The following PPP2R2D variants were observed in gnomAD, a reference collection of about 807,000 sequenced individuals.
The protein encoded by PPP2R2D is protein phosphatase 2 regulatory subunit Bdelta.
Under a neutral mutation model 31.1 loss-of-function variants are expected in PPP2R2D, and 9 were observed. That is an observed-to-expected ratio of 0.29 (90% CI 0.17 to 0.51). The LOEUF is 0.51. PPP2R2D is among the 20% of genes least tolerant of loss of function. The probability of loss-of-function intolerance (pLI) is 0.98; values close to 1 mark genes in which losing one functional copy is unlikely to be tolerated. For synonymous variants in PPP2R2D, 179 were observed against 172.6 expected (o/e 1.04, Z -0.29); for missense variants, 391 against 465.6 (o/e 0.84, Z 1.48).
At chr10:131,948,251 T>C (rs539862823) in intron 8 of PPP2R2D, among the ~76,000 whole-genome samples, 15 of 152,322 alleles carry the variant, frequency 9.8e-5, no homozygotes, top group African/African-American at 3.1e-4. Flanking sequence ...GAAACACCAA[T>C]GTAATTTATA....
At chr10:131,931,035 C>T (rs924643395) in intron 2 of PPP2R2D, among the ~76,000 whole-genome samples, 1 of 152,182 alleles carries the variant, frequency 6.6e-6, no homozygotes, top group East Asian at 1.9e-4. Flanking sequence ...GGTGTCCTGG[C>T]TGAGACCAGC....
intron 2 of PPP2R2D, among the ~76,000 whole-genome samples, chr10:131,922,682 G>A (rs1460779389): frequency 4.6e-5 from 7 of 152,028 alleles, no homozygotes; most frequent in East Asian, 1.9e-4. Context: ...TCCTGACCTC[G>A]TGATCCGCCT....
chr10:131,966,445 C>T, the PPP2R2D span: 7 of 152,220 alleles, frequency 4.6e-5, no homozygotes, highest in African/African-American at 1.4e-4. Flanking sequence ...CATTCAGATA[C>T]GCACACACAT....
chr10:131,970,454 G>A, the PPP2R2D span: 109 of 836,610 alleles, frequency 1.3e-4, no homozygotes, highest in African/African-American at 1.8e-3. This position sits in a 1 kb window ranked among gnomAD's most constrained non-coding sequence, Gnocchi z 4.1. Flanking sequence ...CCTGTGCTGG[G>A]GCCTTTGGGG....
intron 2 of PPP2R2D, among the ~76,000 whole-genome samples, chr10:131,923,593 C>T (rs1213878487): frequency 6.6e-5 from 10 of 152,142 alleles, no homozygotes; most frequent in African/African-American, 2.2e-4. Flanking sequence ...TCTTCACCTA[C>T]GCTTGTTATT....
intron 3 of PPP2R2D, 33 bp downstream of exon 3, chr10:131,934,588 A>G (rs566531166): frequency 2.2e-5 from 17 of 767,486 alleles, no homozygotes; most frequent in African/African-American, 6.8e-5. Context: ...ATCAAATGCA[A>G]TTATTCAACC....
At chr10:131,943,700 AGTTT>A (rs1234991168) in intron 5 of PPP2R2D, among the ~76,000 whole-genome samples, 3 of 152,224 alleles carry the variant, frequency 2.0e-5, no homozygotes, top group African/African-American at 4.8e-5. Context: ...GTGCCTGGGC[AGTTT>A]GTTACCCTGC....
chr10:131,955,838 G>A lies in PPP2R2D; in HGVS notation c.1237G>A (p.Glu413Lys). 6.2e-7 allele frequency: 1 copy of A among 1,609,964 alleles called. No individual in the cohort carries two copies. The highest frequency in any genetic ancestry group is 8.5e-7 in the Non-Finnish European group (1 of 1,177,854). ...TACGGGGGGTAAGCGGAGGAAAGAC[G>A]AGATCAGTGTGGACAGTCTGGACTT... ...VCTGGKRRKD[E>K]ISVDSLDFNK... The change falls in exon 9 of 9, where the codon GAG (glutamate) becomes AAG (lysine). Residue 413 changes from glutamate to lysine, a missense_variant. Coordinates refer to ENST00000455566, the MANE Select transcript of PPP2R2D (RefSeq NM_018461.5).
chr10:131,929,871 G>T (rs534371368), intron 2 of PPP2R2D, among the ~76,000 whole-genome samples: 1 of 152,000 alleles, frequency 6.6e-6, no homozygotes, highest in African/African-American at 2.4e-5. Context: ...CTCATTCCTC[G>T]TCACCTGCCC....
chr10:131,968,732 T>C, the PPP2R2D span: 79 of 564,338 alleles, frequency 1.4e-4, no homozygotes, highest in Non-Finnish European at 2.3e-4. Flanking sequence ...TGATCTTTTA[T>C]CTAGTGTTTT....
intron 2 of PPP2R2D, among the ~76,000 whole-genome samples, chr10:131,907,945 G>A (rs1252637147): frequency 6.6e-6 from 1 of 152,194 alleles, no homozygotes; most frequent in African/African-American, 2.4e-5. Context: ...GGTTGGGTTT[G>A]TGTCTGCTGT....
chr10:131,910,876 A>T (rs1298137827), intron 2 of PPP2R2D, among the ~76,000 whole-genome samples: 1 of 152,124 alleles, frequency 6.6e-6, no homozygotes, highest in Non-Finnish European at 1.5e-5. Context: ...CAGTGGCCAA[A>T]CAGTCTTGCC....
Position 131,959,167 on chromosome 10 carries a change from G to A in PPP2R2D, c.*3204G>A, listed in dbSNP as rs28391532. 1.0e-4 allele frequency: 4 copies of A among 38,392 alleles called. No individual in the cohort carries two copies. The highest frequency in any genetic ancestry group is 7.0e-4 in the South Asian group (1 of 1,434). The allele number at this position is 38,392 out of a possible 1,614,324, so 2.4% of individuals were successfully genotyped here. A position where few individuals can be genotyped will look rare whatever the true frequency, so the allele number is the denominator to read the frequency against. The stretch of plus-strand genomic sequence containing the variant: ...GAGATGAAGGTGTGTGCTGATCCCC[G>A]GTCCCCCTGTGGAGATGAAGGTGTG... On this transcript the variant is annotated 3_prime_UTR_variant, in exon 9 of 9. Transcript: ENST00000455566.
intron 5 of PPP2R2D, among the ~76,000 whole-genome samples, chr10:131,943,715 C>T (rs2036482968): frequency 6.6e-6 from 1 of 152,210 alleles, no homozygotes; most frequent in South Asian, 2.1e-4. Context: ...GTTACCCTGC[C>T]AGCTGATCTT....
At chr10:131,949,710 AGG>A (rs372319812) in intron 8 of PPP2R2D, among the ~76,000 whole-genome samples, 9 of 151,812 alleles carry the variant, frequency 5.9e-5, no homozygotes, top group Non-Finnish European at 1.2e-4. Flanking sequence ...AAGGAATCAG[AGG>A]GAACATCTAG....
downstream of PPP2R2D, among the ~76,000 whole-genome samples, chr10:131,962,064 G>A (rs1344246438): frequency 6.6e-6 from 1 of 152,234 alleles, no homozygotes; most frequent in Non-Finnish European, 1.5e-5. Context: ...CTGCTTCTGA[G>A]GCTGGCCTGT....
intron 8 of PPP2R2D, among the ~76,000 whole-genome samples, chr10:131,951,765 A>G (rs900842660): frequency 6.6e-6 from 1 of 152,198 alleles, no homozygotes; most frequent in African/African-American, 2.4e-5. Context: ...GGTTGCAGTA[A>G]GCTGAGATTG....
Position 131,947,897 on chromosome 10 carries a change from C to T in PPP2R2D, c.1082+106C>T, listed in dbSNP as rs2036571604. 1.4e-6 allele frequency: 2 copies of T among 1,398,682 alleles called. No individual in the cohort carries two copies. The highest frequency in any genetic ancestry group is 1.3e-5 in the South Asian group (1 of 74,214). 86.6% of individuals were successfully genotyped at this position (1,398,682 alleles called of 1,614,324 possible). A position where few individuals can be genotyped will look rare whatever the true frequency, so the allele number is the denominator to read the frequency against. On this transcript the variant is annotated intron_variant, in intron 8 of 8. Coordinates refer to ENST00000455566, the MANE Select transcript of PPP2R2D (RefSeq NM_018461.5). The surrounding 1 kb of genome is among the most constrained non-coding windows in gnomAD (Gnocchi z 4.3). ...TCCTCCAGCGTCAGAGGAGGACGCT[C>T]ATAGGGTGTTGTTTTCCAGACCTTT...
chr10:131,921,684 C>T (rs531004534), intron 2 of PPP2R2D, among the ~76,000 whole-genome samples: 8 of 152,172 alleles, frequency 5.3e-5, no homozygotes, highest in Admixed American at 2.0e-4. Context: ...CTGCAGTGTG[C>T]GGAGGTGGGC....
Sources: allele counts gnomAD v4.1 joint callset (sites outside exome capture counted in the v4.1 genomes callset), GRCh38; gene constraint gnomAD v4.1.1; non-coding constraint Gnocchi (gnomAD v3.1); transcripts MANE v1.5; gene names NCBI Gene and HGNC (gene_info 2026-07-23, HGNC 2026-07-21).